Variants in OLAH observed in about 807,000 individuals in gnomAD.
OLAH encodes S-acyl fatty acid synthase thioesterase, medium chain.
A neutral mutation model predicts 27.8 loss-of-function variants in OLAH; 33 were observed. The ratio of observed to expected loss-of-function variants is 1.19; its 90% CI spans 0.90 to 1.59. OLAH has a LOEUF of 1.59. OLAH is among the 40% of genes most tolerant of loss of function. OLAH has a pLI of 0.00. For missense variants in OLAH, 359 were observed against 310.8 expected (o/e 1.16, Z -1.17); for synonymous variants, 120 against 102.9 (o/e 1.17, Z -1.01).
In OLAH at chr10:15,047,135, A is replaced by G. The variant is rs1844033893; in HGVS notation, c.-154A>G. 2 of 557,734 alleles carry G rather than the reference A, an allele frequency of 3.6e-6. No homozygotes were observed. The highest frequency in any genetic ancestry group is 6.2e-6 in the Non-Finnish European group (2 of 321,530). 34.5% of individuals were successfully genotyped at this position (557,734 alleles called of 1,614,324 possible). ...TCTTTATTTTTAACAGGGATTGGAG[A>G]GGTCAATAAGAGTCAGCGCCTTTAA... On this transcript the variant is annotated 5_prime_UTR_variant, in exon 2 of 8. Transcript: ENST00000378228.
At chr10:15,040,715 G>T (rs1302219141), upstream of OLAH, among the ~76,000 whole-genome samples, 1 of 151,942 alleles carries the variant, frequency 6.6e-6, no homozygotes, top group Non-Finnish European at 1.5e-5. Context: ...GGAATTCCTT[G>T]TTCATTCTTG....
At chr10:15,042,108 C>T (rs565914252), upstream of OLAH, among the ~76,000 whole-genome samples, 2 of 152,126 alleles carry the variant, frequency 1.3e-5, no homozygotes, top group African/African-American at 4.8e-5. Context: ...CAACTCCCAA[C>T]CCCTGAATGG....
rs1564534323 is a variant in OLAH, at chr10:15,065,675, A to G, written c.494A>G (p.His165Arg). The part of the protein sequence containing the change: ...YLMEFGGTPK[H>R]FAEAKEFVKQ... ...ATGGAATTTGGAGGCACCCCCAAGC[A>G]TTTTGCTGAAGCCAAGGAATTTGTG... The change falls in exon 6 of 8, where the codon CAT (histidine) becomes CGT (arginine). Residue 165 changes from histidine to arginine, a missense_variant. Coordinates refer to ENST00000378228, the MANE Select transcript of OLAH (RefSeq NM_001039702.3). The G allele has an allele frequency of 6.2e-7, 1 of 1,614,178 alleles. No homozygotes were observed. Among genetic ancestry groups the G allele is most frequent in the Non-Finnish European group, 8.5e-7 (1 of 1,180,010 alleles).
At chr10:15,045,194 T>A (rs1244205126) in intron 1 of OLAH, among the ~76,000 whole-genome samples, 1 of 152,220 alleles carries the variant, frequency 6.6e-6, no homozygotes, top group Non-Finnish European at 1.5e-5. Flanking sequence ...ACTTGGACAG[T>A]GGTTAAATGT....
At chr10:15,064,258 G>T (rs1480904169) in intron 4 of OLAH, 145 bp from the exon 5 acceptor site, 8 of 606,836 alleles carry the variant, frequency 1.3e-5, no homozygotes, top group Non-Finnish European at 2.3e-5. Context: ...TCACTGAAAA[G>T]ATAGACTTCT....
chr10:15,072,864 AT>A (rs1197240069), intron 7 of OLAH, among the ~76,000 whole-genome samples: 1 of 152,102 alleles, frequency 6.6e-6, no homozygotes, highest in Non-Finnish European at 1.5e-5. Flanking sequence ...GACCTTAGCC[AT>A]TAGGCTGATG....
chr10:15,062,081 C>A (rs969118101), intron 4 of OLAH: 4 of 441,146 alleles, frequency 9.1e-6, no homozygotes, highest in Non-Finnish European at 1.2e-5. Flanking sequence ...ACTTGTAAAA[C>A]CAAGACTTTA....
chr10:15,056,862 C>T, intron 3 of OLAH: 1 of 1,523,056 alleles, frequency 6.6e-7, no homozygotes, highest in Non-Finnish European at 8.8e-7. Context: ...TGGTCTCAAA[C>T]TCCGGCGCTC....
chr10:15,047,962 T>C (rs1844054338), intron 2 of OLAH, among the ~76,000 whole-genome samples: 2 of 152,178 alleles, frequency 1.3e-5, no homozygotes, highest in South Asian at 2.1e-4. Flanking sequence ...TGGATGTTTG[T>C]AGAGATCAAC....
intron 6 of OLAH, among the ~76,000 whole-genome samples, chr10:15,070,780 CTTTT>C (rs71390010): frequency 2.0e-3 from 201 of 99,920 alleles, no homozygotes; most frequent in African/African-American, 7.3e-3. Context: ...CACGCCTGAA[CTTTT>C]TTTTTTTTTT....
intron 3 of OLAH, chr10:15,056,987 G>GT (rs1564530761): frequency 2.8e-6 from 4 of 1,408,418 alleles, no homozygotes; most frequent in South Asian, 1.6e-5. Flanking sequence ...TTTTTAGTAG[G>GT]TTTTTTGTGT....
chr10:15,071,539 T>A (rs1352100334), intron 6 of OLAH: 1 of 985,282 alleles, frequency 1.0e-6, no homozygotes, highest in Admixed American at 6.2e-5. Context: ...TTACCTTGAG[T>A]TGAACTGTGT....
chr10:15,034,025 G>T (rs888071872), intron 1 of OLAH, among the ~76,000 whole-genome samples: 3 of 152,006 alleles, frequency 2.0e-5, no homozygotes, highest in Non-Finnish European at 4.4e-5. Context: ...AATCAGCTCT[G>T]CCAGGTGGAA....
chr10:15,044,732 C>T (rs1257427170), intron 1 of OLAH, among the ~76,000 whole-genome samples: 7 of 152,050 alleles, frequency 4.6e-5, no homozygotes, highest in African/African-American at 1.7e-4. Context: ...TTTGGCAGTT[C>T]TTGTCTCTTA....
At chr10:15,071,661 A>G in intron 6 of OLAH, 134 bp from the exon 7 acceptor site, 1 of 1,418,734 alleles carries the variant, frequency 7.0e-7, no homozygotes, top group South Asian at 1.5e-5. Context: ...CCATTGGTGA[A>G]AAATGTTTTA....
chr10:15,048,753 T>C (rs1330039986), intron 2 of OLAH, among the ~76,000 whole-genome samples: 4 of 152,152 alleles, frequency 2.6e-5, no homozygotes, highest in Non-Finnish European at 5.9e-5. Context: ...TTACTGAATG[T>C]TATATATAGG....
chr10:15,036,917 A>G (rs1239278531), intron 1 of OLAH, among the ~76,000 whole-genome samples: 1 of 152,064 alleles, frequency 6.6e-6, no homozygotes, highest in Non-Finnish European at 1.5e-5. Context: ...CGTCTCTACT[A>G]AAAATACGAA....
intron 3 of OLAH, among the ~76,000 whole-genome samples, chr10:15,056,032 T>A (rs187950137): frequency 2.0e-5 from 3 of 152,228 alleles, no homozygotes; most frequent in African/African-American, 7.2e-5. Flanking sequence ...GTATTTTTAG[T>A]AGAGACAGGA....
intron 3 of OLAH, among the ~76,000 whole-genome samples, chr10:15,050,862 TG>T (rs1844124469): frequency 6.6e-6 from 1 of 151,992 alleles, no homozygotes; most frequent in African/African-American, 2.4e-5. Context: ...GGATTACAGA[TG>T]TGAGCCACTG....
Sources: gnomAD v4.1 joint callset for allele counts (sites outside exome capture counted in the v4.1 genomes callset) on GRCh38, gnomAD v4.1.1 for gene constraint, MANE v1.5 for transcripts, NCBI Gene and HGNC (gene_info 2026-07-23, HGNC 2026-07-21) for gene names.